CCDC7: variants seen among roughly 807,000 people sequenced by gnomAD.
CCDC7 encodes the protein coiled-coil domain containing 7.
CCDC7 carries 183 observed loss-of-function variants against 196.9 expected under a neutral mutation model. The ratio of observed to expected loss-of-function variants is 0.93; its 90% CI spans 0.82 to 1.05. The LOEUF is 1.05. Ranked by LOEUF, CCDC7 falls within the 50% of genes least tolerant of loss-of-function variation. CCDC7 has a pLI of 0.00. For missense variants in CCDC7, 1,540 were observed against 1,482.2 expected (o/e 1.04, Z -0.64); for synonymous variants, 525 against 484.6 (o/e 1.08, Z -1.10).
chr10:32,794,076 G>C (rs2083153562), intron 29 of CCDC7, among the ~76,000 whole-genome samples: 1 of 152,116 alleles, frequency 6.6e-6, no homozygotes, highest in Non-Finnish European at 1.5e-5. Flanking sequence ...GGTGAGCATA[G>C]TACTCCATAG....
At chr10:32,623,969 C>T (rs7914733) in intron 18 of CCDC7, among the ~76,000 whole-genome samples, 7,617 of 152,148 alleles carry the variant, frequency 0.05, 628 homozygotes, top group African/African-American at 0.17. Flanking sequence ...CACCTCCCAC[C>T]GGGCCCCACT....
At chr10:32,689,711 T>A (rs1165771029) in intron 23 of CCDC7, among the ~76,000 whole-genome samples, 3 of 151,540 alleles carry the variant, frequency 2.0e-5, no homozygotes, top group Non-Finnish European at 2.9e-5. Flanking sequence ...AGTGTATTTA[T>A]CGAAACAGTT....
chr10:32,708,247 G>T (rs1466240361), intron 24 of CCDC7, among the ~76,000 whole-genome samples: 4 of 152,182 alleles, frequency 2.6e-5, no homozygotes, highest in African/African-American at 4.8e-5. Flanking sequence ...AATAAATGGT[G>T]CTAGGAAAAC....
At chr10:32,581,732 T>C (rs998876150) in intron 16 of CCDC7, among the ~76,000 whole-genome samples, 1 of 152,146 alleles carries the variant, frequency 6.6e-6, no homozygotes, top group African/African-American at 2.4e-5. Flanking sequence ...TTGCCACATA[T>C]TTTCTCATTG....
At chr10:32,495,241 G>GT (rs979472547) in intron 9 of CCDC7, among the ~76,000 whole-genome samples, 14 of 151,994 alleles carry the variant, frequency 9.2e-5, no homozygotes, top group Admixed American at 2.6e-4. Flanking sequence ...GGGGTTGTTT[G>GT]TTTTTTTCTT....
chr10:32,691,006 C>T (rs1176774589), intron 23 of CCDC7, among the ~76,000 whole-genome samples: 1 of 152,220 alleles, frequency 6.6e-6, no homozygotes, highest in East Asian at 1.9e-4. Flanking sequence ...TTGTGGGGAT[C>T]ACAGCCACCT....
At position 32,543,322 on chromosome 10, in the gene CCDC7, G is replaced by A. The variant is rs747197679; in HGVS notation, c.1016G>A (p.Arg339Gln). 20 of 1,448,230 alleles carry A rather than the reference G, an allele frequency of 1.4e-5. No homozygotes were observed. The South Asian group carries it at 2.7e-4, about 20-fold the overall frequency. The allele number at this position is 1,448,230 out of a possible 1,614,324, so 89.7% of individuals were successfully genotyped here. Reference sequence around the variant, plus strand: ...CAGAAAACTAAGCCTACAAATAATCGAACAAAGAAAGCTGTGAAAACAGTG... The same window carrying A: ...CAGAAAACTAAGCCTACAAATAATCAAACAAAGAAAGCTGTGAAAACAGTG... The change falls in exon 12 of 42, where the codon CGA (arginine) becomes CAA (glutamine). Residue 339 changes from arginine to glutamine, a missense_variant. Coordinates refer to ENST00000639629, the Ensembl canonical transcript of CCDC7.
At chr10:32,522,987 T>C (rs2048102586) in intron 11 of CCDC7, among the ~76,000 whole-genome samples, 1 of 152,194 alleles carries the variant, frequency 6.6e-6, no homozygotes, top group African/African-American at 2.4e-5. Context: ...CCTTTTGTTA[T>C]TGATTTGTGG....
intron 3 of CCDC7, among the ~76,000 whole-genome samples, chr10:32,461,719 A>G (rs1306985405): frequency 0.032 from 763 of 23,844 alleles, 2 homozygotes; most frequent in Non-Finnish European, 0.056. Flanking sequence ...GTATATATAT[A>G]TATATATATA....
chr10:32,626,792 C>G (rs1045253411), intron 18 of CCDC7, among the ~76,000 whole-genome samples: 4 of 151,978 alleles, frequency 2.6e-5, no homozygotes, highest in Admixed American at 1.3e-4. Context: ...TTTCCTAACA[C>G]TATTCATTGA....
intron 22 of CCDC7, 83 bp downstream of exon 23, chr10:32,686,163 A>C: frequency 1.5e-6 from 1 of 649,170 alleles, no homozygotes; most frequent in Non-Finnish European, 2.5e-6. Flanking sequence ...ATGAATCTTG[A>C]ATTTACAGAA....
intron 21 of CCDC7, among the ~76,000 whole-genome samples, chr10:32,677,567 G>T (rs2075217526): frequency 6.6e-6 from 1 of 151,874 alleles, no homozygotes; most frequent in African/African-American, 2.4e-5. Flanking sequence ...GGCCTGCAGG[G>T]TTTGTGCTGA....
intron 9 of CCDC7, among the ~76,000 whole-genome samples, chr10:32,505,291 G>T (rs1000559807): frequency 1.3e-5 from 2 of 151,968 alleles, no homozygotes; most frequent in African/African-American, 2.4e-5. Context: ...AGATAAACAC[G>T]TGAACAAAGG....
intron 41 of CCDC7, among the ~76,000 whole-genome samples, chr10:32,872,049 G>A (rs1242163614): frequency 1.3e-5 from 2 of 151,964 alleles, no homozygotes; most frequent in African/African-American, 2.4e-5. Flanking sequence ...AATAGGTGTG[G>A]TGTGGTGTGG....
At chr10:32,551,397 T>C (rs1235766827) in intron 13 of CCDC7, among the ~76,000 whole-genome samples, 2 of 152,110 alleles carry the variant, frequency 1.3e-5, no homozygotes, top group Non-Finnish European at 2.9e-5. Flanking sequence ...CAATTTCATT[T>C]AGTTCTGCTC....
At chr10:32,555,360 C>T (rs1186759297) in intron 13 of CCDC7, among the ~76,000 whole-genome samples, 1 of 151,994 alleles carries the variant, frequency 6.6e-6, no homozygotes, top group Non-Finnish European at 1.5e-5. Context: ...ATTCTCCTGC[C>T]TCAGCTTCCT....
At chr10:32,705,938 G>A (rs2079656336) in intron 24 of CCDC7, among the ~76,000 whole-genome samples, 1 of 152,058 alleles carries the variant, frequency 6.6e-6, no homozygotes, top group Non-Finnish European at 1.5e-5. Context: ...AGGATATCCA[G>A]GTCTTCAACT....
At chr10:32,708,734 T>G (rs1326296830) in intron 24 of CCDC7, among the ~76,000 whole-genome samples, 1 of 152,220 alleles carries the variant, frequency 6.6e-6, no homozygotes, top group Non-Finnish European at 1.5e-5. Flanking sequence ...TCATCATCAC[T>G]GGCCGTCAGA....
At chr10:32,586,826 T>C (rs974530747) in intron 18 of CCDC7, among the ~76,000 whole-genome samples, 1 of 152,182 alleles carries the variant, frequency 6.6e-6, no homozygotes, top group Non-Finnish European at 1.5e-5. Flanking sequence ...CCAGCTTTGT[T>C]GTTTTTGCTT....
Sources: allele counts gnomAD v4.1 joint callset (sites outside exome capture counted in the v4.1 genomes callset), GRCh38; gene constraint gnomAD v4.1.1; transcripts MANE v1.5; gene names NCBI Gene and HGNC (gene_info 2026-07-23, HGNC 2026-07-21).